The following LIPI variants were observed in gnomAD, a reference collection of about 807,000 sequenced individuals.
LIPI encodes the protein lipase member I.
A neutral mutation model predicts 50.6 loss-of-function variants in LIPI; 59 were observed. The observed-to-expected ratio is 1.16, with a 90% confidence interval of 0.94 to 1.45. The LOEUF (loss-of-function observed/expected upper bound fraction) is 1.45. Among genes scored for constraint, LIPI ranks in the 40% most tolerant of loss-of-function variants. LIPI has a pLI of 0.00. For synonymous variants in LIPI, 203 were observed against 178.2 expected (o/e 1.14, Z -1.11); for missense variants, 586 against 536.3 (o/e 1.09, Z -0.92).
intron 1 of LIPI, among the ~76,000 whole-genome samples, chr21:14,202,902 C>T (rs1016775448): frequency 3.9e-5 from 6 of 152,082 alleles, no homozygotes; most frequent in Admixed American, 6.5e-5. Flanking sequence ...AGGCAACCTA[C>T]AGAATGGGAG....
chr21:14,147,951 C>T (rs920002532), intron 8 of LIPI, among the ~76,000 whole-genome samples: 1 of 152,116 alleles, frequency 6.6e-6, no homozygotes, highest in Non-Finnish European at 1.5e-5. Flanking sequence ...TCACGTCTTG[C>T]TCCCTCTAAT....
chr21:14,165,232 G>T lies in LIPI; in HGVS notation c.892C>A (p.Pro298Thr), dbSNP rs760547050. The T allele has an allele frequency of 1.2e-6, 2 of 1,606,530 alleles. No homozygotes were observed. The highest frequency in any genetic ancestry group is 1.1e-5 in the South Asian group (1 of 90,904). ...TAATAATCTCTCTTACCCAGCCGAG[G>T]ACATGATTTTTCCTTAAAACAGTCA... The part of the protein sequence containing the change: ...DCDCFKEKSC[P>T]RLGYQAKLFK... Residue 298 changes from proline (P) to threonine (T), a missense_variant, in exon 6 of 10, where the codon CCT (proline) becomes ACT (threonine). By Grantham distance (38) the Pro-to-Thr change is conservative. Coordinates refer to ENST00000681601, the MANE Select transcript of LIPI (RefSeq NM_001302998.2).
chr21:14,190,616 G>A (rs1028357942), intron 1 of LIPI, among the ~76,000 whole-genome samples: 1 of 152,086 alleles, frequency 6.6e-6, no homozygotes, highest in African/African-American at 2.4e-5. Context: ...ATTAGATGAA[G>A]AGAAATAAGG....
chr21:14,203,436 A>G (rs1262765724), intron 1 of LIPI, among the ~76,000 whole-genome samples: 7 of 152,148 alleles, frequency 4.6e-5, no homozygotes, highest in African/African-American at 1.7e-4. Flanking sequence ...AACCAACCCA[A>G]ATGTCCATCA....
chr21:14,176,189 AAAG>A (rs1010062113), intron 4 of LIPI, among the ~76,000 whole-genome samples: 1 of 151,658 alleles, frequency 6.6e-6, no homozygotes, highest in African/African-American at 2.4e-5. Context: ...AAAAAAAAAA[AAAG>A]AAGGCAAAAG....
chr21:14,141,953 G>A (rs1482280955), intron 9 of LIPI, among the ~76,000 whole-genome samples: 2 of 152,058 alleles, frequency 1.3e-5, no homozygotes, highest in African/African-American at 2.4e-5. Context: ...TTAAATCCCA[G>A]GAAGAAAGCA....
intron 8 of LIPI, among the ~76,000 whole-genome samples, chr21:14,151,997 T>TGGTTAGGAAA (rs1292235179): frequency 1.3e-5 from 2 of 151,964 alleles, no homozygotes; most frequent in African/African-American, 4.8e-5. Flanking sequence ...GAAGGCAATA[T>TGGTTAGGAAA]GGTTAGGAAA....
intron 7 of LIPI, among the ~76,000 whole-genome samples, chr21:14,160,319 A>G (rs145050013): frequency 3.3e-5 from 5 of 151,462 alleles, no homozygotes; most frequent in Non-Finnish European, 5.9e-5. Context: ...ATCAAAATAC[A>G]GACCCAACAC....
chr21:14,138,244 G>T (rs2017578574), intron 9 of LIPI, among the ~76,000 whole-genome samples: 1 of 151,760 alleles, frequency 6.6e-6, no homozygotes, highest in African/African-American at 2.4e-5. Flanking sequence ...AAGATTTCAG[G>T]ACAAGTAATA....
At chr21:14,153,647 G>C (rs879448950) in intron 7 of LIPI, among the ~76,000 whole-genome samples, 19 of 152,108 alleles carry the variant, frequency 1.2e-4, no homozygotes, top group Non-Finnish European at 2.4e-4. Flanking sequence ...CTGAAGCCCT[G>C]GACCCCTCTG....
rs2019076498 is a variant in LIPI at position 14,175,907 on chromosome 21, G to A, written c.643+5851C>T. On this transcript the variant is annotated intron_variant, in intron 4 of 9. Coordinates refer to ENST00000681601, the MANE Select transcript of LIPI (RefSeq NM_001302998.2). The stretch of plus-strand genomic sequence containing the variant: ...AAGAAGGCACAAGTGGGCCGGGCGC[G>A]GTGGCTCAAGTCTGTAATCCCAGCA... Among the ~76,000 whole-genome samples, 3 of 152,138 alleles carry A rather than the reference G, an allele frequency of 2.0e-5. No individual in the cohort carries two copies. The South Asian group carries it at 6.2e-4, about 32-fold the overall frequency.
chr21:14,149,899 G>A (rs2018030956), intron 8 of LIPI, among the ~76,000 whole-genome samples: 2 of 152,176 alleles, frequency 1.3e-5, no homozygotes, highest in Admixed American at 6.5e-5. Context: ...TTGGGTGTCT[G>A]CAGGTTTTCC....
intron 1 of LIPI, among the ~76,000 whole-genome samples, chr21:14,209,469 G>T (rs1420817431): frequency 2.6e-5 from 4 of 152,126 alleles, no homozygotes; most frequent in African/African-American, 7.2e-5. Context: ...TTTTAATCAA[G>T]TAGAGATTCA....
rs2018880586 is a variant in LIPI at position 14,170,996 on chromosome 21, T to C, written c.644-4545A>G. Among the ~76,000 whole-genome samples the C allele has an allele frequency of 2.6e-5, 4 of 151,648 alleles. No individual in the cohort carries two copies. The South Asian group carries it at 8.4e-4, about 32-fold the overall frequency. Reference sequence around the variant, plus strand: ...TTCTCAGCCCAAAATCTCCTTAAGCTGATAAGCAACTTCAGCAAAGTCTCA... The same window carrying C: ...TTCTCAGCCCAAAATCTCCTTAAGCCGATAAGCAACTTCAGCAAAGTCTCA... On this transcript the variant is annotated intron_variant, in intron 4 of 9. Transcript: ENST00000681601.
At chr21:14,110,578 C>A (rs1321110576) in intron 9 of LIPI, among the ~76,000 whole-genome samples, 1 of 151,842 alleles carries the variant, frequency 6.6e-6, no homozygotes, top group Non-Finnish European at 1.5e-5. Context: ...TGAACTCATT[C>A]CTTCTATCTA....
At chr21:14,196,920 A>G (rs1466450875) in intron 1 of LIPI, among the ~76,000 whole-genome samples, 1 of 152,166 alleles carries the variant, frequency 6.6e-6, no homozygotes, top group Non-Finnish European at 1.5e-5. Flanking sequence ...TTTAAAAAAC[A>G]TAGTAAAGGT....
chr21:14,166,421 A>G lies in LIPI; in HGVS notation c.674T>C (p.Ile225Thr), dbSNP rs765786159. ...GLGIQEPLGH[I>T]DFYPNGGNKQ... is the part of the protein sequence containing the mutation. ...ATTTCCTCCATTTGGATAAAAATCT[A>G]TATGTCCCAAGGGCTCTTGAATGCC... Residue 225 changes from isoleucine to threonine, a missense_variant, in exon 5 of 10, where the codon ATA (isoleucine) becomes ACA (threonine). Coordinates refer to ENST00000681601, the MANE Select transcript of LIPI (RefSeq NM_001302998.2). 9.3e-6 allele frequency: 15 copies of G among 1,609,814 alleles called. No homozygotes were observed. The East Asian group carries it at 1.6e-4, about 17-fold the overall frequency.
chr21:14,190,368 T>C (rs544984207), intron 1 of LIPI, among the ~76,000 whole-genome samples: 43 of 152,272 alleles, frequency 2.8e-4, no homozygotes, highest in Admixed American at 8.5e-4. Flanking sequence ...TGATAGTATA[T>C]GTTCATACTG....
At chr21:14,183,919 G>C (rs138764131) in intron 3 of LIPI, among the ~76,000 whole-genome samples, 1 of 152,038 alleles carries the variant, frequency 6.6e-6, no homozygotes, top group African/African-American at 2.4e-5. Context: ...TCAGTGTGGC[G>C]ATTCCTCAGG....
Sources: gnomAD v4.1 joint callset for allele counts (sites outside exome capture counted in the v4.1 genomes callset) on GRCh38, gnomAD v4.1.1 for gene constraint, MANE v1.5 for transcripts, NCBI Gene and HGNC (gene_info 2026-07-23, HGNC 2026-07-21) for gene names.